Variants in SULT4A1 observed in about 807,000 individuals in gnomAD.
SULT4A1 encodes the protein sulfotransferase 4A1.
In SULT4A1, 11 loss-of-function variants were observed where a neutral mutation model predicts 35.2. The ratio of observed to expected loss-of-function variants is 0.31; its 90% CI spans 0.20 to 0.52. The LOEUF is 0.52. Among genes scored for constraint, SULT4A1 ranks in the 20% least tolerant of loss-of-function variants. SULT4A1 has a pLI of 0.97. For synonymous variants in SULT4A1, 152 were observed against 151.8 expected (o/e 1.00, Z -0.01); for missense variants, 271 against 383.7 (o/e 0.71, Z 2.45).
intron 6 of SULT4A1, chr22:43,826,896 T>C: frequency 5.1e-6 from 5 of 985,450 alleles, no homozygotes; most frequent in Non-Finnish European, 6.0e-6. Context: ...GACCTCTTCC[T>C]GGCAGCCACA....
At chr22:43,836,430 T>C (rs111865102) in intron 4 of SULT4A1, among the ~76,000 whole-genome samples, 14 of 128,402 alleles carry the variant, frequency 1.1e-4, no homozygotes, top group African/African-American at 4.7e-4. Flanking sequence ...AGGGACCCTG[T>C]CTACACAGCG....
At position 43,862,421 on chromosome 22, in the gene SULT4A1, C is replaced by A; in HGVS notation, c.-39G>T. 9.7e-7 allele frequency: 1 copy of A among 1,034,822 alleles called. No individual in the cohort carries two copies. Among genetic ancestry groups the A allele is most frequent in the African/African-American group, 1.8e-5 (1 of 55,406 alleles). 64.1% of individuals were successfully genotyped at this position (1,034,822 alleles called of 1,614,324 possible). A position where few individuals can be genotyped will look rare whatever the true frequency, so the allele number is the denominator to read the frequency against. ...CCGTCGCCGCCGCCGCCTCCCGGCT[C>A]GCAGCCCGCACGCGCCCGCGCCCGC... On this transcript the variant is annotated 5_prime_UTR_variant, in exon 1 of 7. Transcript: ENST00000330884.
intron 1 of SULT4A1, among the ~76,000 whole-genome samples, chr22:43,844,452 C>T (rs1173710027): frequency 2.0e-5 from 3 of 152,196 alleles, no homozygotes; most frequent in Admixed American, 6.5e-5. Flanking sequence ...CACAAATCAG[C>T]CACGCGGCTG....
At chr22:43,832,588 C>T (rs1375587791) in intron 5 of SULT4A1, among the ~76,000 whole-genome samples, 2 of 151,910 alleles carry the variant, frequency 1.3e-5, no homozygotes, top group Non-Finnish European at 2.9e-5. Context: ...GTGCACACAC[C>T]CCCACCCCGG....
chr22:43,839,626 C>A (rs760335664), intron 3 of SULT4A1, among the ~76,000 whole-genome samples: 10 of 152,318 alleles, frequency 6.6e-5, no homozygotes, highest in Middle Eastern at 3.4e-3. Context: ...ACCCCACAGG[C>A]CTTGGCATTT....
chr22:43,830,912 TATTA>T (rs1396949657), intron 5 of SULT4A1, among the ~76,000 whole-genome samples: 1 of 152,098 alleles, frequency 6.6e-6, no homozygotes, highest in African/African-American at 2.4e-5. Context: ...ATGTAAACAA[TATTA>T]ATTCCTAAAA....
chr22:43,826,482 A>G (rs2063287886), intron 6 of SULT4A1: 1 of 985,336 alleles, frequency 1.0e-6, no homozygotes, highest in Non-Finnish European at 1.2e-6. Flanking sequence ...GGTGTTTAAT[A>G]AACATCCCAG....
intron 4 of SULT4A1, 115 bp from the exon 5 acceptor site, chr22:43,833,849 A>G (rs1603404702): frequency 1.2e-6 from 1 of 849,784 alleles, no homozygotes; most frequent in South Asian, 1.6e-5. Context: ...TGATGAGGAC[A>G]TCGTGATCCC....
intron 5 of SULT4A1, among the ~76,000 whole-genome samples, chr22:43,832,109 C>T (rs189345388): frequency 9.9e-5 from 15 of 152,276 alleles, no homozygotes; most frequent in Admixed American, 2.0e-4. Context: ...AAACCACGGC[C>T]GACGGCTTCA....
intron 2 of SULT4A1, 92 bp from the exon 3 acceptor site, chr22:43,840,117 G>A: frequency 6.9e-6 from 6 of 867,768 alleles, no homozygotes; most frequent in Non-Finnish European, 8.9e-6. Flanking sequence ...GAGGAGGAAG[G>A]AAGGGGTGGG....
chr22:43,847,513 C>A (rs1012977402), intron 1 of SULT4A1, among the ~76,000 whole-genome samples: 1 of 152,190 alleles, frequency 6.6e-6, no homozygotes, highest in African/African-American at 2.4e-5. Context: ...CCTCCACCCA[C>A]CCTTGCTGTG....
chr22:43,830,972 A>T (rs2063320954), intron 5 of SULT4A1, among the ~76,000 whole-genome samples: 1 of 152,156 alleles, frequency 6.6e-6, no homozygotes, highest in Non-Finnish European at 1.5e-5. Context: ...GAGGTTCCTA[A>T]AAAAAGAATA....
intron 1 of SULT4A1, among the ~76,000 whole-genome samples, chr22:43,860,671 G>A (rs1455563236): frequency 6.6e-6 from 1 of 150,772 alleles, no homozygotes; most frequent in East Asian, 2.0e-4. Flanking sequence ...CAGATGGAAG[G>A]AAAGGAAAAG....
rs868766223 is a variant in SULT4A1, at chr22:43,835,002, A to G, written c.509-1268T>C. ...CCCACCGCTGCCCTGAGCTTCCCGC[A>G]CCCACACCGCGGCCCTGTGCTTCCC... is the stretch of plus-strand genomic sequence containing the variant. On this transcript the variant is annotated intron_variant, in intron 4 of 6. Transcript: ENST00000330884. Among the ~76,000 whole-genome samples the G allele has an allele frequency of 2.7e-4, 10 of 37,544 alleles. 2 individuals are homozygous for G. The highest frequency in any genetic ancestry group is 1.4e-3 in the South Asian group (1 of 724). 24.6% of individuals were successfully genotyped at this position (37,544 alleles called of 152,430 possible).
rs114784520 is a variant in SULT4A1, at chr22:43,848,580, C to T, written c.170-6648G>A. On this transcript the variant is annotated intron_variant, in intron 1 of 6. Transcript: ENST00000330884. ...ACAAGGCACTGGGAAGTGGGGGCCA[C>T]GCCTGGAGCTGGAGTCGCTTCCCAG... is the stretch of plus-strand genomic sequence containing the variant. Among the ~76,000 whole-genome samples, 20 of 152,358 alleles carry T rather than the reference C, an allele frequency of 1.3e-4. No homozygotes were observed. The South Asian group carries it at 3.5e-3, about 27-fold the overall frequency.
intron 1 of SULT4A1, among the ~76,000 whole-genome samples, chr22:43,856,726 CAAT>C (rs1415197090): frequency 1.3e-5 from 2 of 152,164 alleles, no homozygotes; most frequent in Non-Finnish European, 2.9e-5. Flanking sequence ...GCTAACACTA[CAAT>C]AATATGAAAC....
intron 4 of SULT4A1, among the ~76,000 whole-genome samples, chr22:43,837,573 C>A (rs1288671826): frequency 6.6e-6 from 1 of 152,252 alleles, no homozygotes; most frequent in East Asian, 1.9e-4. Context: ...CTTCAGGGTG[C>A]GGTCTGGGGC....
At chr22:43,839,060 G>A in intron 3 of SULT4A1, 67 bp from the exon 4 acceptor site, 1 of 1,592,872 alleles carries the variant, frequency 6.3e-7, no homozygotes, top group Non-Finnish European at 8.6e-7. Flanking sequence ...CCCCGACACA[G>A]GCCAGCCTCC....
At chr22:43,853,907 C>T (rs2049372366) in intron 1 of SULT4A1, among the ~76,000 whole-genome samples, 1 of 152,236 alleles carries the variant, frequency 6.6e-6, no homozygotes, top group South Asian at 2.1e-4. Context: ...AGGCTCCGCC[C>T]TTGTGTGAGA....
Sources: gnomAD v4.1 joint callset for allele counts (sites outside exome capture counted in the v4.1 genomes callset) on GRCh38, gnomAD v4.1.1 for gene constraint, MANE v1.5 for transcripts, NCBI Gene and HGNC (gene_info 2026-07-23, HGNC 2026-07-21) for gene names.